The following DPP6 variants were observed in gnomAD, a reference collection of about 807,000 sequenced individuals.
The protein encoded by DPP6 is A-type potassium channel modulatory protein DPP6.
In DPP6, 69 loss-of-function variants were observed where a neutral mutation model predicts 122.6. The ratio of observed to expected loss-of-function variants is 0.56; its 90% CI spans 0.46 to 0.69. DPP6 has a LOEUF of 0.69. Ranked by LOEUF, DPP6 falls within the 30% of genes least tolerant of loss-of-function variation. The pLI, the probability that DPP6 is intolerant of heterozygous loss-of-function variation, is 0.00. For missense variants in DPP6, 928 were observed against 1,116.9 expected (o/e 0.83, Z 2.41); for synonymous variants, 418 against 433.1 (o/e 0.97, Z 0.43).
intron 6 of DPP6, among the ~76,000 whole-genome samples, chr7:154,638,195 G>A (rs1296503754): frequency 6.6e-6 from 1 of 152,208 alleles, no homozygotes; most frequent in East Asian, 1.9e-4. Context: ...ATCACCTGCA[G>A]CCTCCTCTCA....
chr7:154,244,141 T>G (rs1445255612), intron 1 of DPP6, among the ~76,000 whole-genome samples: 2 of 151,976 alleles, frequency 1.3e-5, no homozygotes, highest in African/African-American at 4.8e-5. Context: ...AAGAGAAAAC[T>G]GTCAAAGCAG....
chr7:154,544,670 A>G (rs1197557054), intron 4 of DPP6, among the ~76,000 whole-genome samples: 2 of 152,162 alleles, frequency 1.3e-5, no homozygotes, highest in Admixed American at 6.5e-5. Context: ...CTCAGGAACA[A>G]CAGGACCCCA....
At chr7:154,805,428 G>A (rs1036832096) in intron 15 of DPP6, among the ~76,000 whole-genome samples, 1 of 152,192 alleles carries the variant, frequency 6.6e-6, no homozygotes, top group East Asian at 1.9e-4. Flanking sequence ...GAGGAAGACA[G>A]GGAGCATGAT....
At chr7:153,866,981 A>T in the DPP6 span, among the ~76,000 whole-genome samples, 3 of 152,120 alleles carry the variant, frequency 2.0e-5, no homozygotes, top group Non-Finnish European at 2.9e-5. Flanking sequence ...ATTATTTCTG[A>T]GGGCTCTGTT....
intron 1 of DPP6, among the ~76,000 whole-genome samples, chr7:154,166,467 C>T (rs991665270): frequency 1.3e-5 from 2 of 152,012 alleles, no homozygotes; most frequent in Admixed American, 1.3e-4. Flanking sequence ...AAGACGGGCA[C>T]CTGGCAGGGA....
chr7:154,562,666 A>G (rs1830496779), intron 4 of DPP6, among the ~76,000 whole-genome samples: 1 of 152,190 alleles, frequency 6.6e-6, no homozygotes, highest in East Asian at 1.9e-4. Context: ...TATACACAGG[A>G]AATATGATTT....
intron 5 of DPP6, among the ~76,000 whole-genome samples, chr7:154,576,727 G>A (rs1831704538): frequency 1.3e-5 from 2 of 152,136 alleles, no homozygotes. Context: ...AGGCTCTTGG[G>A]GGAGGAGGCT....
chr7:154,349,207 G>A (rs558395468), intron 1 of DPP6, among the ~76,000 whole-genome samples: 90 of 152,144 alleles, frequency 5.9e-4, no homozygotes, highest in Non-Finnish European at 1.1e-3. Flanking sequence ...ACGGAGTCTC[G>A]CTCTGTCACC....
At chr7:154,853,384 A>G (rs1195184984) in intron 16 of DPP6, among the ~76,000 whole-genome samples, 1 of 152,248 alleles carries the variant, frequency 6.6e-6, no homozygotes, top group Non-Finnish European at 1.5e-5. Flanking sequence ...TTCCTGGAGG[A>G]GCCAGCAGAC....
At chr7:153,760,386 A>C in the DPP6 span, among the ~76,000 whole-genome samples, 7 of 152,316 alleles carry the variant, frequency 4.6e-5, no homozygotes, top group East Asian at 1.4e-3. Context: ...ATTTCAATTG[A>C]TCAAATGCCA....
At chr7:154,446,945 T>C (rs1819929135) in intron 2 of DPP6, among the ~76,000 whole-genome samples, 1 of 151,810 alleles carries the variant, frequency 6.6e-6, no homozygotes. Context: ...CTTAATGGAG[T>C]AATGGTAGGA....
intron 10 of DPP6, among the ~76,000 whole-genome samples, chr7:154,779,345 T>G (rs1455091156): frequency 6.7e-6 from 1 of 148,676 alleles, no homozygotes; most frequent in Non-Finnish European, 1.5e-5. Flanking sequence ...CATCATCACT[T>G]CTACTTCCAC....
At chr7:154,210,665 G>C (rs986528468) in intron 1 of DPP6, among the ~76,000 whole-genome samples, 1 of 152,094 alleles carries the variant, frequency 6.6e-6, no homozygotes, top group Non-Finnish European at 1.5e-5. Context: ...CAGGCACCTG[G>C]ACGAGCCCTG....
At chr7:153,871,984 C>T in the DPP6 span, among the ~76,000 whole-genome samples, 23 of 152,328 alleles carry the variant, frequency 1.5e-4, no homozygotes, top group South Asian at 3.9e-3. Context: ...ACAATTTTTA[C>T]GCTTTCTGAA....
At chr7:154,085,403 A>C (rs1189266867) in intron 1 of DPP6, among the ~76,000 whole-genome samples, 1 of 152,198 alleles carries the variant, frequency 6.6e-6, no homozygotes, top group Admixed American at 6.5e-5. Context: ...ACATCTCTTA[A>C]ATAGTGATGA....
chr7:154,736,643 C>T (rs1033533579), intron 8 of DPP6, among the ~76,000 whole-genome samples: 1 of 152,152 alleles, frequency 6.6e-6, no homozygotes, highest in Non-Finnish European at 1.5e-5. Flanking sequence ...CAGCTCTTGT[C>T]GTCTGTATCA....
In DPP6 at chr7:154,893,218, G is replaced by A. The variant is rs1806771545; in HGVS notation, c.*738G>A. The A allele has an allele frequency of 3.5e-6, 1 of 281,718 alleles. No homozygotes were observed. Among genetic ancestry groups the A allele is most frequent in the Admixed American group, 4.9e-5 (1 of 20,336 alleles). The allele number at this position is 281,718 out of a possible 1,614,324, so 17.5% of individuals were successfully genotyped here. A position where few individuals can be genotyped will look rare whatever the true frequency, so the allele number is the denominator to read the frequency against. ...TTGCGCTTGATGAAGAAGCAGATCG[G>A]AAGTAACTGCTCCCTCCTCAAGGTT... On this transcript the variant is annotated 3_prime_UTR_variant, in exon 26 of 26. Coordinates refer to ENST00000377770, the MANE Select transcript of DPP6 (RefSeq NM_130797.4).
intron 1 of DPP6, among the ~76,000 whole-genome samples, chr7:154,408,407 C>G (rs1053173326): frequency 3.9e-5 from 6 of 152,004 alleles, no homozygotes; most frequent in African/African-American, 1.2e-4. Context: ...TTATCCAAAT[C>G]CTACTATCAG....
intron 1 of DPP6, among the ~76,000 whole-genome samples, chr7:154,198,287 A>C (rs947184158): frequency 3.3e-5 from 5 of 150,300 alleles, no homozygotes; most frequent in African/African-American, 1.2e-4. Context: ...AGGGGCCCTC[A>C]GTGTAATTTT....
Sources: allele counts gnomAD v4.1 joint callset (sites outside exome capture counted in the v4.1 genomes callset), GRCh38; gene constraint gnomAD v4.1.1; transcripts MANE v1.5; gene names NCBI Gene and HGNC (gene_info 2026-07-23, HGNC 2026-07-21).